The following KCNH1 variants were observed in gnomAD, a reference collection of about 807,000 sequenced individuals.
KCNH1 encodes voltage-gated delayed rectifier potassium channel KCNH1.
KCNH1 carries 27 observed loss-of-function variants against 69.2 expected under a neutral mutation model. That is an observed-to-expected ratio of 0.39 (90% CI 0.29 to 0.54). The LOEUF is 0.54. Ranked by LOEUF, KCNH1 falls within the 20% of genes least tolerant of loss-of-function variation. The pLI is 0.68. For missense variants in KCNH1, 798 were observed against 1,261.6 expected (o/e 0.63, Z 5.57); for synonymous variants, 456 against 487.7 (o/e 0.93, Z 0.86).
intron 6 of KCNH1, among the ~76,000 whole-genome samples, chr1:210,938,233 GCATATTGGTATTCCAATA>G (rs1687811296): frequency 6.6e-6 from 1 of 152,156 alleles, no homozygotes; most frequent in South Asian, 2.1e-4. Context: ...GCAATGTTAA[GCATATTGGTATTCCAATA>G]GGTAATTTTG....
At chr1:211,125,187 G>T (rs770740947) in intron 1 of KCNH1, among the ~76,000 whole-genome samples, 1 of 152,160 alleles carries the variant, frequency 6.6e-6, no homozygotes, top group African/African-American at 2.4e-5. Context: ...TTCCCATTTC[G>T]TGTGGTGTAC....
chr1:211,042,818 C>G (rs945923624), intron 5 of KCNH1, among the ~76,000 whole-genome samples: 1 of 152,154 alleles, frequency 6.6e-6, no homozygotes, highest in East Asian at 1.9e-4. Flanking sequence ...CCAAAAGGAA[C>G]CTTCAAAGCC....
chr1:210,783,838 AC>A (rs1442756893), intron 9 of KCNH1, among the ~76,000 whole-genome samples: 2 of 152,182 alleles, frequency 1.3e-5, no homozygotes, highest in East Asian at 1.9e-4. Context: ...TGAACCTGCA[AC>A]CTAGCCAATT....
rs1375047377 is a variant in KCNH1, at chr1:211,069,399, CAG to C, written c.558+13379_558+13380del. On this transcript the variant is annotated intron_variant, in intron 5 of 10. Coordinates refer to ENST00000271751, the MANE Select transcript of KCNH1 (RefSeq NM_172362.3). ...AAGGCAAAAACACAGTTTGAAGAGA[CAG>C]AGTAAGCATCAGAACCAGACCCAGG... Among the ~76,000 whole-genome samples, 5 of 151,706 alleles carry C rather than the reference CAG, an allele frequency of 3.3e-5. No homozygotes were observed. In the East Asian group the frequency reaches 7.8e-4, roughly 24 times the overall value.
chr1:210,862,463 G>A (rs750414339), intron 7 of KCNH1, among the ~76,000 whole-genome samples: 4 of 152,146 alleles, frequency 2.6e-5, no homozygotes, highest in Non-Finnish European at 4.4e-5. Flanking sequence ...AGCCTCCCAA[G>A]TAGCTGGGAC....
intron 1 of KCNH1, among the ~76,000 whole-genome samples, chr1:211,117,729 T>TC (rs1339959868): frequency 6.6e-6 from 1 of 152,184 alleles, no homozygotes; most frequent in Non-Finnish European, 1.5e-5. Context: ...CACAGTGTTG[T>TC]CCCTAATGAG....
intron 10 of KCNH1, among the ~76,000 whole-genome samples, chr1:210,759,408 A>G (rs1368723917): frequency 6.6e-6 from 1 of 152,168 alleles, no homozygotes; most frequent in African/African-American, 2.4e-5. Flanking sequence ...TTGAATTCCA[A>G]TACAAAGAAG....
In KCNH1 at chr1:210,718,465, GTATATATATAAAATATATACATATATGTA is replaced by G. The variant is rs1682341219; in HGVS notation, c.2113-34356_2113-34328del. ...ATATATATAAAATATATACATATAT[GTATATATATAAAATATATACATATATGTA>G]TATATATAAAATATATACATATATG... is the stretch of plus-strand genomic sequence containing the variant. On this transcript the variant is annotated intron_variant, in intron 10 of 10. Coordinates refer to ENST00000271751, the MANE Select transcript of KCNH1 (RefSeq NM_172362.3). Among the ~76,000 whole-genome samples, 8 of 9,232 alleles carry G rather than the reference GTATATATATAAAATATATACATATATGTA, an allele frequency of 8.7e-4. 1 individual carries two copies. The highest frequency in any genetic ancestry group is 2.7e-3 in the South Asian group (1 of 376). The allele number at this position is 9,232 out of a possible 152,430, so 6.1% of individuals were successfully genotyped here.
chr1:210,958,446 A>T (rs1166831216), intron 6 of KCNH1, among the ~76,000 whole-genome samples: 1 of 152,116 alleles, frequency 6.6e-6, no homozygotes, highest in Non-Finnish European at 1.5e-5. Context: ...CTGAATTTGA[A>T]TGTTGGCCTG....
intron 7 of KCNH1, among the ~76,000 whole-genome samples, chr1:210,806,095 C>T (rs140139461): frequency 3.3e-5 from 5 of 152,262 alleles, no homozygotes; most frequent in African/African-American, 1.2e-4. Context: ...AGTGAAATTG[C>T]TGGGTCATAC....
At position 210,809,897 on chromosome 1, in the gene KCNH1, AGGCTTCT is replaced by A. The variant is rs1279454094; in HGVS notation, c.1463-5738_1463-5732del. Among the ~76,000 whole-genome samples the A allele has an allele frequency of 5.9e-3, 906 of 152,280 alleles. 13 individuals are homozygous for A. The highest frequency in any genetic ancestry group is 0.021 in the African/African-American group (879 of 41,558). ...ATTATGGCCAGGAACTCAGTTTCCA[AGGCTTCT>A]CTGAAGTCCCCTTGGCCAAGAGAAG... On this transcript the variant is annotated intron_variant, in intron 7 of 10. Transcript: ENST00000271751.
chr1:210,771,450 C>G (rs979608695), intron 10 of KCNH1, among the ~76,000 whole-genome samples: 4 of 152,222 alleles, frequency 2.6e-5, no homozygotes. Flanking sequence ...CCCAGAGCGA[C>G]TGATCCCTCC....
At chr1:210,778,679 T>G (rs1004983593) in intron 9 of KCNH1, among the ~76,000 whole-genome samples, 1 of 152,154 alleles carries the variant, frequency 6.6e-6, no homozygotes, top group African/African-American at 2.4e-5. Context: ...GAGGGGCAGA[T>G]TTTCCTCTGG....
intron 7 of KCNH1, among the ~76,000 whole-genome samples, chr1:210,838,653 T>C (rs1407573873): frequency 2.6e-5 from 4 of 152,298 alleles, no homozygotes; most frequent in South Asian, 2.1e-4. Flanking sequence ...GAGAACATTT[T>C]TGCAATATAT....
At chr1:211,034,894 A>C (rs1689866522) in intron 5 of KCNH1, among the ~76,000 whole-genome samples, 1 of 152,196 alleles carries the variant, frequency 6.6e-6, no homozygotes, top group African/African-American at 2.4e-5. Flanking sequence ...TTGGTAACAA[A>C]TCCTCAGGAG....
chr1:210,919,294 C>T lies in KCNH1; in HGVS notation c.1462+346G>A, dbSNP rs549110669. ...GTTCTATGAGTAGTTTACTAAAGTG[C>T]GTATGCAGCAAGATCTCATTTTAAG... On this transcript the variant is annotated intron_variant, in intron 7 of 10. Transcript: ENST00000271751. This position sits in a 1 kb window ranked among gnomAD's most constrained non-coding sequence, Gnocchi z 4.2. The T allele has an allele frequency of 1.1e-4, 22 of 191,970 alleles. No individual in the cohort carries two copies. The South Asian group carries it at 2.3e-3, about 20-fold the overall frequency. The allele number at this position is 191,970 out of a possible 1,614,324, so 11.9% of individuals were successfully genotyped here. A position where few individuals can be genotyped will look rare whatever the true frequency, so the allele number is the denominator to read the frequency against.
chr1:210,773,671 T>C (rs1025674916), intron 10 of KCNH1, among the ~76,000 whole-genome samples: 1 of 152,034 alleles, frequency 6.6e-6, no homozygotes, highest in African/African-American at 2.4e-5. Context: ...TTCAGCTAGG[T>C]ATCACCCCTG....
At position 210,694,395 on chromosome 1, in the gene KCNH1, C is replaced by T. The variant is rs768869576; in HGVS notation, c.2113-10257G>A. Among the ~76,000 whole-genome samples the T allele has an allele frequency of 3.3e-5, 5 of 152,090 alleles. No homozygotes were observed. In the South Asian group the frequency reaches 1.0e-3, roughly 32 times the overall value. On this transcript the variant is annotated intron_variant, in intron 10 of 10. Transcript: ENST00000271751. ...CCCTTAGTGACTGACTGACAGGTAT[C>T]TTATCCTGGGTAGAGGCCCGAGGCA... is the stretch of plus-strand genomic sequence containing the variant.
intron 1 of KCNH1, among the ~76,000 whole-genome samples, chr1:211,126,991 G>A (rs1002755443): frequency 6.6e-6 from 1 of 152,174 alleles, no homozygotes; most frequent in African/African-American, 2.4e-5. Flanking sequence ...AATTTTGGGT[G>A]AGGTGTTTAT....
Sources: gnomAD v4.1 joint callset for allele counts (sites outside exome capture counted in the v4.1 genomes callset) on GRCh38, gnomAD v4.1.1 for gene constraint, Gnocchi (gnomAD v3.1) non-coding constraint, MANE v1.5 for transcripts, NCBI Gene and HGNC (gene_info 2026-07-23, HGNC 2026-07-21) for gene names.